The following EGFLAM variants were observed in gnomAD, a reference collection of about 807,000 sequenced individuals.
EGFLAM encodes pikachurin.
Under a neutral mutation model 113.1 loss-of-function variants are expected in EGFLAM, and 79 were observed. The ratio of observed to expected loss-of-function variants is 0.70; its 90% CI spans 0.58 to 0.84. EGFLAM has a LOEUF of 0.84. Ranked by LOEUF, EGFLAM falls within the 40% of genes least tolerant of loss-of-function variation. The pLI is 0.00. For synonymous variants in EGFLAM, 504 were observed against 487.6 expected, an observed-to-expected ratio of 1.03 and a Z score of -0.44; for missense variants, 1,265 against 1,291.6, an observed-to-expected ratio of 0.98 and a Z score of 0.32.
chr5:38,324,653 T>C (rs975995937), intron 1 of EGFLAM, among the ~76,000 whole-genome samples: 1 of 151,636 alleles, frequency 6.6e-6, no homozygotes, highest in Non-Finnish European at 1.5e-5. Context: ...TCAACTGCTT[T>C]ACAGGAAAAA....
chr5:38,463,093 T>G (rs1268296931), intron 21 of EGFLAM, 82 bp downstream of exon 21: 33 of 1,368,178 alleles, frequency 2.4e-5, no homozygotes, highest in Non-Finnish European at 2.2e-5. Context: ...CGAGGCTATG[T>G]ACTTTGCTGG....
chr5:38,325,618 TCTCTTTTTAAAGAAATACAAAATA>T (rs1469759210), intron 1 of EGFLAM, among the ~76,000 whole-genome samples: 1 of 152,194 alleles, frequency 6.6e-6, no homozygotes, highest in Non-Finnish European at 1.5e-5. Context: ...AATAGATCTT[TCTCTTTTTAAAGAAATACAAAATA>T]CTCTTTTTAA....
intron 20 of EGFLAM, 144 bp downstream of exon 20, chr5:38,458,538 T>G: frequency 2.8e-6 from 2 of 719,560 alleles, no homozygotes; most frequent in Non-Finnish European, 4.5e-6. Context: ...TCAGGGAATT[T>G]TCTACCAATT....
intron 13 of EGFLAM, 120 bp from the exon 14 acceptor site, chr5:38,426,889 C>A: frequency 7.0e-7 from 1 of 1,436,562 alleles, no homozygotes; most frequent in Non-Finnish European, 9.4e-7. Context: ...AACCTAACTG[C>A]AGGGCTGCTG....
At chr5:38,350,663 A>G (rs1739597804) in intron 4 of EGFLAM, 45 bp downstream of exon 4, 1 of 1,552,540 alleles carries the variant, frequency 6.4e-7, no homozygotes, top group Non-Finnish European at 8.9e-7. Context: ...GCTGCTATCC[A>G]TGCATCCTTC....
In EGFLAM at chr5:38,309,736, T is replaced by G. The variant is rs571856231; in HGVS notation, c.98-27784T>G. ...CGTGTGGCTGGTGTCTGAGAATGCT[T>G]ATATTTCAGCCTAGCACTTGCTTCT... is the stretch of plus-strand genomic sequence containing the variant. On this transcript the variant is annotated intron_variant, in intron 1 of 21. Coordinates refer to ENST00000322350, the MANE Select transcript of EGFLAM (RefSeq NM_152403.4). Among the ~76,000 whole-genome samples the G allele has an allele frequency of 1.1e-4, 17 of 152,308 alleles. No individual in the cohort carries two copies. In the South Asian group the frequency reaches 3.5e-3, roughly 32 times the overall value.
chr5:38,447,419 T>C (rs1405072800), intron 17 of EGFLAM, among the ~76,000 whole-genome samples: 1 of 152,156 alleles, frequency 6.6e-6, no homozygotes, highest in African/African-American at 2.4e-5. Context: ...AACCCTTCCC[T>C]TCCCCCATAC....
chr5:38,352,990 T>C (rs1245611127), intron 5 of EGFLAM, among the ~76,000 whole-genome samples: 1 of 152,176 alleles, frequency 6.6e-6, no homozygotes, highest in Non-Finnish European at 1.5e-5. Context: ...TGAAAGTAAA[T>C]ATTTGATGAT....
intron 1 of EGFLAM, among the ~76,000 whole-genome samples, chr5:38,261,284 C>T (rs187999983): frequency 6.6e-6 from 1 of 152,320 alleles, no homozygotes; most frequent in East Asian, 1.9e-4. Context: ...AAAGAAACCT[C>T]TGCATTTGCC....
chr5:38,446,849 C>CT (rs954022755), intron 17 of EGFLAM, among the ~76,000 whole-genome samples: 46 of 150,594 alleles, frequency 3.1e-4, no homozygotes, highest in African/African-American at 1.1e-3. Flanking sequence ...TGTTTCCGCT[C>CT]TTTTTTTATG....
At chr5:38,274,849 A>C (rs1351447361) in intron 1 of EGFLAM, among the ~76,000 whole-genome samples, 1 of 152,240 alleles carries the variant, frequency 6.6e-6, no homozygotes, top group Admixed American at 6.5e-5. Context: ...TTACATCCTT[A>C]GTATTAAGGT....
chr5:38,458,268 T>A (rs1561106576), intron 19 of EGFLAM, 43 bp from the exon 20 acceptor site: 1 of 1,574,290 alleles, frequency 6.4e-7, no homozygotes, highest in East Asian at 2.3e-5. Context: ...TATGCCTCAG[T>A]GTTTTATTCT....
intron 1 of EGFLAM, among the ~76,000 whole-genome samples, chr5:38,310,586 C>G (rs1738414489): frequency 6.6e-6 from 1 of 152,000 alleles, no homozygotes; most frequent in Non-Finnish European, 1.5e-5. Flanking sequence ...CTCTAGGAAT[C>G]TCTCTGATTG....
intron 1 of EGFLAM, among the ~76,000 whole-genome samples, chr5:38,301,797 G>T (rs140842066): frequency 3.3e-5 from 5 of 152,106 alleles, no homozygotes; most frequent in African/African-American, 1.2e-4. Flanking sequence ...CTGAGAGTTT[G>T]GGAAGAGCTG....
chr5:38,265,994 A>C (rs951778584), intron 1 of EGFLAM, among the ~76,000 whole-genome samples: 1 of 152,226 alleles, frequency 6.6e-6, no homozygotes, highest in Non-Finnish European at 1.5e-5. Context: ...CTCCACGCCC[A>C]GCTGTGACTG....
chr5:38,313,871 G>A (rs1366281), intron 1 of EGFLAM, among the ~76,000 whole-genome samples: 111,206 of 152,124 alleles, frequency 0.73, 40,973 homozygotes, highest in East Asian at 0.83. Flanking sequence ...TGTTTTTGTC[G>A]TATTTTGTAT....
intron 12 of EGFLAM, among the ~76,000 whole-genome samples, chr5:38,420,713 G>A (rs972061451): frequency 6.6e-6 from 1 of 152,170 alleles, no homozygotes; most frequent in African/African-American, 2.4e-5. Flanking sequence ...GAATAAACCT[G>A]GTAGTCCTGA....
intron 3 of EGFLAM, among the ~76,000 whole-genome samples, chr5:38,341,776 C>A (rs73749204): frequency 0.046 from 6,949 of 152,232 alleles, 540 homozygotes; most frequent in African/African-American, 0.16. Context: ...ATTGTAGAAA[C>A]TTCAGCACGA....
chr5:38,284,232 AC>A (rs1758094795), intron 1 of EGFLAM: 2 of 152,370 alleles, frequency 1.3e-5, no homozygotes, highest in East Asian at 3.9e-4. Context: ...GTTCCAGAAC[AC>A]TTTTTTAAAA....
Sources: gnomAD v4.1 joint callset for allele counts (sites outside exome capture counted in the v4.1 genomes callset) on GRCh38, gnomAD v4.1.1 for gene constraint, MANE v1.5 for transcripts, NCBI Gene and HGNC (gene_info 2026-07-23, HGNC 2026-07-21) for gene names.